OR11A1: variants seen among roughly 807,000 people sequenced by gnomAD.
The protein encoded by OR11A1 is olfactory receptor 11A1.
For synonymous variants in OR11A1, 158 were observed against 152.2 expected (o/e 1.04, Z -0.28); for missense variants, 380 against 378.2 (o/e 1.00, Z -0.04).
intron 1 of OR11A1, chr6:29,441,080 A>G (rs1297899197): frequency 7.8e-6 from 5 of 645,150 alleles, no homozygotes; most frequent in Admixed American, 5.8e-5. Context: ...AGACAAACTT[A>G]TCTTTGAAAA....
rs775523905 is a variant in OR11A1 at position 29,427,632 on chromosome 6, C to A, written c.10G>T (p.Val4Phe). 4.4e-6 allele frequency: 7 copies of A among 1,604,560 alleles called. No homozygotes were observed. In the African/African-American group the frequency reaches 9.4e-5, roughly 22 times the overall value. The change falls in exon 5 of 5, where the codon GTC becomes TTC. Residue 4 changes from valine (V) to phenylalanine (F), a missense_variant. By Grantham distance (50) the Val-to-Phe change is conservative. Coordinates refer to ENST00000377149, the MANE Select transcript of OR11A1 (RefSeq NM_001394828.1). The part of the protein sequence containing the change: MEI[V>F]STGNETITEF... ...GTAATAGTTTCGTTTCCTGTGGAGA[C>A]AATTTCCATGTCGATCGTCCAAGTT...
At position 29,440,485 on chromosome 6, in the gene OR11A1, G is replaced by T. The variant is rs746579893; in HGVS notation, c.-388-8498C>A. ...GCCTGTGGGGTGCTGGTGGGGCTGG[G>T]CCACACCCCTTTCATCTTCTCTTTG... On this transcript the variant is annotated intron_variant, in intron 1 of 4. Coordinates refer to ENST00000377149, the MANE Select transcript of OR11A1 (RefSeq NM_001394828.1). The T allele has an allele frequency of 7.0e-5, 113 of 1,613,714 alleles. No individual in the cohort carries two copies. Among genetic ancestry groups the T allele is most frequent in the Non-Finnish European group, 9.1e-5 (107 of 1,179,972 alleles).
intron 1 of OR11A1, among the ~76,000 whole-genome samples, chr6:29,435,879 A>G (rs116688008): frequency 0.024 from 3,644 of 152,336 alleles, 100 homozygotes; most frequent in African/African-American, 0.07. Context: ...TTAGTGAATA[A>G]GTAGCAATGC....
At chr6:29,449,577 C>T (rs921407973) in intron 1 of OR11A1, among the ~76,000 whole-genome samples, 4 of 152,174 alleles carry the variant, frequency 2.6e-5, no homozygotes, top group African/African-American at 9.7e-5. Flanking sequence ...CTTCTGATAT[C>T]CTCACAACTG....
At chr6:29,428,983 C>T in intron 3 of OR11A1, 23 bp from the exon 4 acceptor site, 1 of 900,098 alleles carries the variant, frequency 1.1e-6, no homozygotes, top group African/African-American at 1.8e-5. Context: ...AGAGAGAATA[C>T]AGGGAATGAT....
chr6:29,427,731 A>G lies in OR11A1; in HGVS notation c.-90T>C. The G allele has an allele frequency of 6.8e-7, 1 of 1,476,904 alleles. No homozygotes were observed. Among genetic ancestry groups the G allele is most frequent in the Non-Finnish European group, 9.0e-7 (1 of 1,115,320 alleles). The allele number at this position is 1,476,904 out of a possible 1,614,324, so 91.5% of individuals were successfully genotyped here. ...TCTATACCAAGCCTAACGTTATTAG[A>G]GCTAAAACAAAACAAAACAAAAAAG... is the stretch of plus-strand genomic sequence containing the variant. On this transcript the variant is annotated splice_region_variant and 5_prime_UTR_variant, in exon 5 of 5. Transcript: ENST00000377149.
chr6:29,430,820 TGAAAA>T (rs1457592341), intron 2 of OR11A1, among the ~76,000 whole-genome samples: 1 of 151,908 alleles, frequency 6.6e-6, no homozygotes, highest in African/African-American at 2.4e-5. Flanking sequence ...AAAGTAGATA[TGAAAA>T]GAAAAGAAAT....
chr6:29,432,034 T>A (rs920056107), intron 1 of OR11A1, 47 bp from the exon 2 acceptor site: 3 of 984,298 alleles, frequency 3.0e-6, no homozygotes, highest in Non-Finnish European at 3.6e-6. Context: ...CTTGTTACCC[T>A]CCACTCCTGA....
At chr6:29,428,527 G>A (rs1361385347) in intron 4 of OR11A1, 4 of 301,576 alleles carry the variant, frequency 1.3e-5, no homozygotes, top group African/African-American at 4.5e-5. Context: ...AGGCTGAGGC[G>A]GGTGGATCAC....
intron 1 of OR11A1, among the ~76,000 whole-genome samples, chr6:29,451,514 A>T (rs1342762460): frequency 6.6e-6 from 1 of 152,286 alleles, no homozygotes; most frequent in African/African-American, 2.4e-5. Context: ...AATTTTTTTT[A>T]AATGGGCAAA....
At chr6:29,440,072 G>A in intron 1 of OR11A1, 1 of 1,613,136 alleles carries the variant, frequency 6.2e-7, no homozygotes, top group Non-Finnish European at 8.5e-7. Flanking sequence ...TCTCCCACCT[G>A]GCCGACCTCC....
At chr6:29,443,113 C>T (rs1013333732) in intron 1 of OR11A1, among the ~76,000 whole-genome samples, 17 of 152,154 alleles carry the variant, frequency 1.1e-4, no homozygotes, top group African/African-American at 3.6e-4. Context: ...CATTTCCTCA[C>T]AGTTTTATGG....
intron 1 of OR11A1, chr6:29,440,781 T>C (rs761761000): frequency 1.2e-6 from 2 of 1,613,986 alleles, no homozygotes; most frequent in South Asian, 1.1e-5. Context: ...CACCGCACTC[T>C]TTATCTATAT....
chr6:29,448,010 C>CTTTTTTTT lies in OR11A1; in HGVS notation c.-389+8969_-389+8976dup, dbSNP rs9280602. On this transcript the variant is annotated intron_variant, in intron 1 of 4. Coordinates refer to ENST00000377149, the MANE Select transcript of OR11A1 (RefSeq NM_001394828.1). Reference sequence around the variant, plus strand: ...CCAAAAGTGATCAACATGACCCTTTCTTTTTTTTTTTTTTTTTTTTTTTTG... The same window carrying CTTTTTTTT: ...CCAAAAGTGATCAACATGACCCTTTCTTTTTTTTTTTTTTTTTTTTTTTTTTTTTTTTG... Among the ~76,000 whole-genome samples, 33 of 79,930 alleles carry CTTTTTTTT rather than the reference C, an allele frequency of 4.1e-4. 1 individual carries two copies. Among genetic ancestry groups the CTTTTTTTT allele is most frequent in the South Asian group, 1.1e-3 (2 of 1,814 alleles). 52.4% of individuals were successfully genotyped at this position (79,930 alleles called of 152,430 possible).
chr6:29,426,780 G>T lies in OR11A1; in HGVS notation c.862C>A (p.Pro288Thr). The change falls in exon 5 of 5, where the codon CCT becomes ACT. Residue 288 changes from proline (P) to threonine (T), a missense_variant. Coordinates refer to ENST00000377149, the MANE Select transcript of OR11A1 (RefSeq NM_001394828.1). ...TTGTTCCTCATGGTATAGATCACAGGATTGAAGAGAGGGGTGACCACAGTG... is the reference window on the plus strand; with the variant it reads ...TTGTTCCTCATGGTATAGATCACAGTATTGAAGAGAGGGGTGACCACAGTG... The part of the protein sequence containing the change: ...LYTVVTPLFN[P>T]VIYTMRNKEV... 1 of 1,613,108 alleles carries T rather than the reference G, an allele frequency of 6.2e-7. No homozygotes were observed. Among genetic ancestry groups the T allele is most frequent in the Non-Finnish European group, 8.5e-7 (1 of 1,180,020 alleles).
rs1447643523 is a variant in OR11A1 at position 29,427,594 on chromosome 6, G to A, written c.48C>T (p.Leu16=). 2.5e-6 allele frequency: 4 copies of A among 1,612,808 alleles called. No individual in the cohort carries two copies. Among genetic ancestry groups the A allele is most frequent in the Non-Finnish European group, 2.5e-6 (3 of 1,179,944 alleles). ...GTTCAGGGATGTCATAGAAGCCAAG[G>A]AGGACAAATTCAGTAATAGTTTCGT... The part of the protein sequence containing the change: ...TGNETITEFV[L]LGFYDIPELH... Residue 16 remains leucine (L), a synonymous_variant, in exon 5 of 5, where the codon CTC becomes CTT. Coordinates refer to ENST00000377149, the MANE Select transcript of OR11A1 (RefSeq NM_001394828.1).
chr6:29,429,797 G>A (rs1783119850), intron 3 of OR11A1, among the ~76,000 whole-genome samples: 1 of 152,150 alleles, frequency 6.6e-6, no homozygotes, highest in African/African-American at 2.4e-5. Context: ...GGGGAAGACA[G>A]GGAGAGAAAG....
intron 1 of OR11A1, among the ~76,000 whole-genome samples, chr6:29,434,910 C>T (rs16894909): frequency 0.097 from 14,755 of 152,172 alleles, 1,338 homozygotes; most frequent in African/African-American, 0.23. Context: ...AACTGCAAGA[C>T]GTGAAAAGAT....
intron 1 of OR11A1, among the ~76,000 whole-genome samples, chr6:29,435,693 G>A (rs1030973617): frequency 4.3e-4 from 65 of 152,092 alleles, no homozygotes; most frequent in African/African-American, 1.5e-3. Context: ...CAACCCAGCA[G>A]GATTTTACAA....
Sources: gnomAD v4.1 joint callset for allele counts (sites outside exome capture counted in the v4.1 genomes callset) on GRCh38, gnomAD v4.1.1 for gene constraint, MANE v1.5 for transcripts, NCBI Gene and HGNC (gene_info 2026-07-23, HGNC 2026-07-21) for gene names.